The following SCAPER variants were observed in gnomAD, a reference collection of about 807,000 sequenced individuals.
The protein encoded by SCAPER is S phase cyclin A-associated protein in the endoplasmic reticulum.
Under a neutral mutation model 182.2 loss-of-function variants are expected in SCAPER, and 98 were observed. The observed-to-expected ratio is 0.54, with a 90% CI of 0.46 to 0.64. The LOEUF is 0.64. Among genes scored for constraint, SCAPER ranks in the 30% least tolerant of loss-of-function variants. The pLI is 0.00. For missense variants in SCAPER, 1,432 were observed against 1,690.0 expected, an observed-to-expected ratio of 0.85 and a Z score of 2.68; for synonymous variants, 605 against 564.6, an observed-to-expected ratio of 1.07 and a Z score of -1.01.
chr15:76,528,504 A>ACC (rs1289015691), intron 23 of SCAPER, among the ~76,000 whole-genome samples: 1 of 152,182 alleles, frequency 6.6e-6, no homozygotes, highest in Admixed American at 6.6e-5. Flanking sequence ...GAATGGCACC[A>ACC]CCATCCATAC....
chr15:76,801,056 A>C (rs527752909), intron 6 of SCAPER, among the ~76,000 whole-genome samples: 1 of 152,174 alleles, frequency 6.6e-6, no homozygotes. Flanking sequence ...GTTTTTAAAA[A>C]TTTCACTGGC....
rs764450111 is a variant in SCAPER at position 76,381,548 on chromosome 15, C to T, written c.3535G>A (p.Asp1179Asn). ...TGLTAALQAT[D>N]LAGVLHMLYC... ...AGCATATGAAGAACTCCAGCCAGGTCGGTTGCCTGAAGAGCAGCTGTCAGC... is the reference window on the plus strand; with the variant it reads ...AGCATATGAAGAACTCCAGCCAGGTTGGTTGCCTGAAGAGCAGCTGTCAGC... Residue 1179 changes from aspartate to asparagine, a missense_variant, in exon 28 of 32, where the codon GAC becomes AAC. Around this residue, in one of 5 missense-constraint regions of SCAPER, gnomAD observed 718 missense variants for 799.7 expected, o/e 0.90. Coordinates refer to ENST00000563290, the MANE Select transcript of SCAPER (RefSeq NM_020843.4). The T allele has an allele frequency of 1.1e-5, 17 of 1,611,764 alleles. No homozygotes were observed. The highest frequency in any genetic ancestry group is 8.8e-5 in the South Asian group (8 of 90,564).
At chr15:76,819,958 CATTT>C (rs1568244774) in intron 5 of SCAPER, among the ~76,000 whole-genome samples, 1 of 152,196 alleles carries the variant, frequency 6.6e-6, no homozygotes, top group East Asian at 1.9e-4. Flanking sequence ...CAAAAGAAGA[CATTT>C]ATGCAGCCAA....
chr15:76,355,098 A>G (rs990990052), intron 29 of SCAPER, among the ~76,000 whole-genome samples: 1 of 152,226 alleles, frequency 6.6e-6, no homozygotes, highest in African/African-American at 2.4e-5. Context: ...TCAAATTAAA[A>G]CCAGAAGGAA....
chr15:76,698,391 C>T (rs781630346), intron 20 of SCAPER, among the ~76,000 whole-genome samples: 1 of 152,090 alleles, frequency 6.6e-6, no homozygotes, highest in Non-Finnish European at 1.5e-5. Flanking sequence ...ACACTGGAGA[C>T]TTTTAATTAT....
At chr15:76,510,435 G>T (rs1212635642) in intron 23 of SCAPER, among the ~76,000 whole-genome samples, 2 of 152,132 alleles carry the variant, frequency 1.3e-5, no homozygotes, top group East Asian at 3.9e-4. Flanking sequence ...ATAGGCTGAG[G>T]ATATGAATAG....
chr15:76,420,933 C>T (rs2045989911), intron 26 of SCAPER, among the ~76,000 whole-genome samples: 1 of 152,186 alleles, frequency 6.6e-6, no homozygotes, highest in Non-Finnish European at 1.5e-5. Flanking sequence ...ATCCATGTCC[C>T]TACAAAGGAC....
intron 3 of SCAPER, among the ~76,000 whole-genome samples, chr15:76,860,082 T>C (rs2071753794): frequency 6.6e-6 from 1 of 152,202 alleles, no homozygotes; most frequent in South Asian, 2.1e-4. Flanking sequence ...GCCAATTATT[T>C]ATGTTCTTGT....
chr15:76,783,619 T>C (rs1395522111), intron 8 of SCAPER, among the ~76,000 whole-genome samples: 2 of 151,886 alleles, frequency 1.3e-5, no homozygotes, highest in Non-Finnish European at 2.9e-5. Context: ...CTGATGGACA[T>C]TGATGCGAAA....
At chr15:76,776,335 G>A (rs2063743213) in intron 8 of SCAPER, among the ~76,000 whole-genome samples, 2 of 152,154 alleles carry the variant, frequency 1.3e-5, no homozygotes, top group East Asian at 1.9e-4. Flanking sequence ...TGGAACCCCT[G>A]TTCCCCATGG....
intron 29 of SCAPER, among the ~76,000 whole-genome samples, chr15:76,373,587 C>T (rs2042336373): frequency 6.6e-6 from 1 of 152,102 alleles, no homozygotes; most frequent in Non-Finnish European, 1.5e-5. Context: ...ACTGTCTGTG[C>T]TGTAGAGGTA....
rs5813839 is a variant in SCAPER at position 76,476,595 on chromosome 15, ATTTTTTTTTTTT to A, written c.2955-5272_2955-5261del. Among the ~76,000 whole-genome samples the A allele has an allele frequency of 8.7e-3, 643 of 73,558 alleles. 9 individuals are homozygous for A. Among genetic ancestry groups the A allele is most frequent in the African/African-American group, 0.031 (597 of 18,988 alleles). 48.3% of individuals were successfully genotyped at this position (73,558 alleles called of 152,430 possible). On this transcript the variant is annotated intron_variant, in intron 24 of 31. Transcript: ENST00000563290. ...AGGTACACACCACAACACCCAGCTAATTTTTTTTTTTTTTTTTTTTTTTTTTTTGTAGAGACA... is the reference window on the plus strand; with the variant it reads ...AGGTACACACCACAACACCCAGCTAATTTTTTTTTTTTTTTTGTAGAGACA...
intron 9 of SCAPER, among the ~76,000 whole-genome samples, chr15:76,772,995 T>TA (rs924705800): frequency 2.3e-4 from 35 of 151,890 alleles, no homozygotes; most frequent in African/African-American, 7.5e-4. Context: ...GGTCAGAACT[T>TA]AAAGTGTCCC....
intron 25 of SCAPER, among the ~76,000 whole-genome samples, chr15:76,459,724 G>T (rs1323566668): frequency 2.0e-5 from 3 of 151,946 alleles, no homozygotes; most frequent in Non-Finnish European, 4.4e-5. Flanking sequence ...TACTTTTGAG[G>T]TCTTAGCTAT....
intron 5 of SCAPER, among the ~76,000 whole-genome samples, chr15:76,837,463 TGGAGCAAAA>T (rs751214727): frequency 2.0e-5 from 3 of 152,048 alleles, no homozygotes; most frequent in Non-Finnish European, 4.4e-5. Context: ...AGGAGAAGTG[TGGAGCAAAA>T]GGGGGAAAAG....
At chr15:76,734,711 C>T (rs1387663929) in intron 15 of SCAPER, among the ~76,000 whole-genome samples, 3 of 152,010 alleles carry the variant, frequency 2.0e-5, no homozygotes, top group Non-Finnish European at 4.4e-5. Context: ...CCCGTCTCTA[C>T]TAAATATACA....
At chr15:76,386,267 C>G (rs563032383) in intron 27 of SCAPER, among the ~76,000 whole-genome samples, 20 of 152,320 alleles carry the variant, frequency 1.3e-4, no homozygotes, top group African/African-American at 4.8e-4. Context: ...TTAAGCCAAG[C>G]AAGGTAATAT....
At chr15:76,711,810 T>G (rs1334918164) in intron 17 of SCAPER, among the ~76,000 whole-genome samples, 2 of 152,172 alleles carry the variant, frequency 1.3e-5, no homozygotes, top group Non-Finnish European at 2.9e-5. Flanking sequence ...TAAATTTGTT[T>G]GAGTTCATTG....
At chr15:76,391,418 C>A (rs548924309) in intron 27 of SCAPER, among the ~76,000 whole-genome samples, 8 of 152,170 alleles carry the variant, frequency 5.3e-5, no homozygotes, top group Non-Finnish European at 8.8e-5. Flanking sequence ...GTTCATCAAT[C>A]GATCCCCAGT....
Sources: allele counts gnomAD v4.1 joint callset (sites outside exome capture counted in the v4.1 genomes callset), GRCh38; gene constraint gnomAD v4.1.1; regional missense constraint gnomAD v4.1.1; transcripts MANE v1.5; gene names NCBI Gene and HGNC (gene_info 2026-07-23, HGNC 2026-07-21).